VAT1L: variants seen among roughly 807,000 people sequenced by gnomAD.
The protein encoded by VAT1L is putative NADPH-dependent quinone oxidoreductase VAT1L.
Under a neutral mutation model 44.1 loss-of-function variants are expected in VAT1L, and 34 were observed. That is an observed-to-expected ratio of 0.77 (90% CI 0.59 to 1.03). The LOEUF is 1.03. Ranked by LOEUF, VAT1L falls within the 50% of genes least tolerant of loss-of-function variation. The pLI, the probability that VAT1L is intolerant of heterozygous loss-of-function variation, is 0.00. For missense variants in VAT1L, 615 were observed against 538.8 expected (o/e 1.14, Z -1.40); for synonymous variants, 253 against 202.2 (o/e 1.25, Z -2.13).
rs139129152 is a variant in VAT1L, at chr16:77,846,468, C to T, written c.580-16280C>T. 9.7e-4 allele frequency among the ~76,000 whole-genome samples: 147 copies of T among 152,298 alleles called. 1 individual carries two copies. In the East Asian group the frequency reaches 0.027, roughly 28 times the overall value. On this transcript the variant is annotated intron_variant, in intron 3 of 8. Coordinates refer to ENST00000302536, the MANE Select transcript of VAT1L (RefSeq NM_020927.3). ...GAAAGACAGGATGCCACCTTCACTACTGGCAATATCTTCTAAAGAGATAAC... is the reference window on the plus strand; with the variant it reads ...GAAAGACAGGATGCCACCTTCACTATTGGCAATATCTTCTAAAGAGATAAC...
chr16:77,867,009 G>A (rs1432919441), intron 4 of VAT1L, among the ~76,000 whole-genome samples: 1 of 152,088 alleles, frequency 6.6e-6, no homozygotes, highest in Non-Finnish European at 1.5e-5. Context: ...GACAGAACAG[G>A]GCAGATAATA....
intron 7 of VAT1L, among the ~76,000 whole-genome samples, chr16:77,956,681 C>A (rs142161933): frequency 6.6e-6 from 1 of 152,204 alleles, no homozygotes; most frequent in East Asian, 1.9e-4. Context: ...CTCCTCCTAT[C>A]CTTCCTCGTG....
chr16:77,940,535 G>A (rs960513351), intron 7 of VAT1L, among the ~76,000 whole-genome samples: 1 of 151,794 alleles, frequency 6.6e-6, no homozygotes, highest in Non-Finnish European at 1.5e-5. Context: ...AGTAGAGATG[G>A]GGTTTCACCA....
rs1272557261 is a variant in VAT1L, at chr16:77,921,876, T to C, written c.1077+37074T>C. Among the ~76,000 whole-genome samples the C allele has an allele frequency of 2.6e-5, 4 of 152,232 alleles. No individual in the cohort carries two copies. The East Asian group carries it at 5.8e-4, about 22-fold the overall frequency. ...CTCCCACCTCAGCCTCCCGAGTAGC[T>C]GGGACTACAGGTGCATACCACTACA... On this transcript the variant is annotated intron_variant, in intron 7 of 8. Coordinates refer to ENST00000302536, the MANE Select transcript of VAT1L (RefSeq NM_020927.3).
At chr16:77,896,437 G>T (rs889625783) in intron 7 of VAT1L, among the ~76,000 whole-genome samples, 1 of 152,134 alleles carries the variant, frequency 6.6e-6, no homozygotes, top group Non-Finnish European at 1.5e-5. Context: ...ACCTTCCTTC[G>T]GTTTCTATTT....
chr16:77,969,205 G>A (rs1003241124), intron 7 of VAT1L, among the ~76,000 whole-genome samples: 2 of 152,174 alleles, frequency 1.3e-5, no homozygotes, highest in African/African-American at 2.4e-5. Context: ...CCAAGTCTGG[G>A]TCTGTTTAGT....
intron 8 of VAT1L, among the ~76,000 whole-genome samples, chr16:77,977,040 C>T (rs1035067844): frequency 6.6e-6 from 1 of 152,166 alleles, no homozygotes; most frequent in South Asian, 2.1e-4. Flanking sequence ...CCTTGGCATT[C>T]GGGTCCCCTG....
At chr16:77,904,676 T>C (rs1013570545) in intron 7 of VAT1L, among the ~76,000 whole-genome samples, 17 of 152,234 alleles carry the variant, frequency 1.1e-4, no homozygotes, top group African/African-American at 4.1e-4. Flanking sequence ...GAACAATCGT[T>C]CAATCTATAA....
At chr16:77,926,021 G>A (rs1192210112) in intron 7 of VAT1L, among the ~76,000 whole-genome samples, 1 of 151,998 alleles carries the variant, frequency 6.6e-6, no homozygotes, top group Non-Finnish European at 1.5e-5. Context: ...CTAGCACTTT[G>A]GGAGGCCGAG....
intron 7 of VAT1L, among the ~76,000 whole-genome samples, chr16:77,954,573 C>T (rs1279694745): frequency 6.6e-6 from 1 of 152,094 alleles, no homozygotes; most frequent in Non-Finnish European, 1.5e-5. Flanking sequence ...TGCAATGAGC[C>T]AAGATCGTGC....
rs536628530 is a variant in VAT1L, at chr16:77,855,461, C to T, written c.580-7287C>T. ...TTTCCTTCTCCTTATCTATCTCCCC[C>T]GACATGCCCACACACTCCACTTTAA... On this transcript the variant is annotated intron_variant, in intron 3 of 8. Coordinates refer to ENST00000302536, the MANE Select transcript of VAT1L (RefSeq NM_020927.3). Among the ~76,000 whole-genome samples the T allele has an allele frequency of 8.5e-5, 13 of 152,226 alleles. No individual in the cohort carries two copies. In the East Asian group the frequency reaches 1.9e-3, roughly 23 times the overall value.
At chr16:77,903,279 A>G (rs1177897867) in intron 7 of VAT1L, among the ~76,000 whole-genome samples, 3 of 152,172 alleles carry the variant, frequency 2.0e-5, no homozygotes, top group African/African-American at 7.2e-5. Context: ...TCCCCCCGCT[A>G]TGTAAGCTCT....
At chr16:77,814,389 C>T (rs2016316659) in intron 1 of VAT1L, among the ~76,000 whole-genome samples, 1 of 152,184 alleles carries the variant, frequency 6.6e-6, no homozygotes, top group Non-Finnish European at 1.5e-5. Flanking sequence ...CCTAATGCCT[C>T]ACTGAGGAAA....
intron 3 of VAT1L, among the ~76,000 whole-genome samples, chr16:77,839,285 T>C (rs986096250): frequency 6.6e-6 from 1 of 151,770 alleles, no homozygotes; most frequent in Non-Finnish European, 1.5e-5. Flanking sequence ...CCTGTAATCC[T>C]AGCACTTTGG....
intron 7 of VAT1L, among the ~76,000 whole-genome samples, chr16:77,898,185 A>G (rs2017344455): frequency 6.6e-6 from 1 of 152,154 alleles, no homozygotes; most frequent in Non-Finnish European, 1.5e-5. Context: ...ACTTTATAAG[A>G]ACACTAGTAT....
At chr16:77,865,806 TG>T (rs2016967784) in intron 4 of VAT1L, among the ~76,000 whole-genome samples, 1 of 152,126 alleles carries the variant, frequency 6.6e-6, no homozygotes, top group Non-Finnish European at 1.5e-5. Flanking sequence ...TGGCAGGATG[TG>T]GGGAGTGGGA....
intron 2 of VAT1L, among the ~76,000 whole-genome samples, chr16:77,818,469 C>T (rs2016393238): frequency 2.0e-5 from 3 of 152,094 alleles, no homozygotes; most frequent in Admixed American, 1.3e-4. Flanking sequence ...CACTATCTCA[C>T]CCTGAAAGTG....
intron 7 of VAT1L, among the ~76,000 whole-genome samples, chr16:77,928,826 G>A (rs2017697378): frequency 6.6e-6 from 1 of 151,708 alleles, no homozygotes; most frequent in South Asian, 2.1e-4. Context: ...TCGTTTGTTT[G>A]TTTGTTTTTG....
At chr16:77,943,081 G>C (rs551020090) in intron 7 of VAT1L, among the ~76,000 whole-genome samples, 8 of 148,792 alleles carry the variant, frequency 5.4e-5, no homozygotes, top group Admixed American at 4.1e-4. Flanking sequence ...TTTTGAGATG[G>C]AGTCTGCCTC....
Sources: gnomAD v4.1 joint callset for allele counts (sites outside exome capture counted in the v4.1 genomes callset) on GRCh38, gnomAD v4.1.1 for gene constraint, MANE v1.5 for transcripts, NCBI Gene and HGNC (gene_info 2026-07-23, HGNC 2026-07-21) for gene names.